Variants in TRIM65 observed in about 807,000 individuals in gnomAD.
TRIM65 encodes E3 ubiquitin-protein ligase TRIM65.
A neutral mutation model predicts 36.1 loss-of-function variants in TRIM65; 46 were observed. The observed-to-expected ratio is 1.27, with a 90% CI of 1.01 to 1.63. The LOEUF (loss-of-function observed/expected upper bound fraction) is 1.63, where lower values mean the gene tolerates loss of function less well. Among genes scored for constraint, TRIM65 ranks in the 40% most tolerant of loss-of-function variants. The pLI, the probability that TRIM65 is intolerant of heterozygous loss-of-function variation, is 0.00. For missense variants in TRIM65, 708 were observed against 696.6 expected (o/e 1.02, Z -0.18); for synonymous variants, 346 against 313.6 (o/e 1.10, Z -1.09).
chr17:75,888,919 TA>T (rs1046908214), downstream of TRIM65: 1 of 151,624 alleles, frequency 6.6e-6, no homozygotes, highest in Non-Finnish European at 1.5e-5. Context: ...TTTACAAATA[TA>T]AAAACATTAT....
downstream of TRIM65, among the ~76,000 whole-genome samples, chr17:75,884,835 G>A (rs780981830): frequency 2.6e-5 from 4 of 151,954 alleles, no homozygotes; most frequent in Non-Finnish European, 5.9e-5. Flanking sequence ...GTGGTTTTCA[G>A]GACCACGCTG....
rs925999391 is a variant in TRIM65, at chr17:75,892,557, A to G, written c.511-57T>C. The G allele has an allele frequency of 4.4e-5, 67 of 1,508,842 alleles. No homozygotes were observed. In the African/African-American group the frequency reaches 7.3e-4, roughly 16 times the overall value. The allele number at this position is 1,508,842 out of a possible 1,614,324, so 93.5% of individuals were successfully genotyped here. On this transcript the variant is annotated intron_variant, in intron 2 of 5. Transcript: ENST00000269383. ...CCAGGGCCCTGTGCCATACCAAGGG[A>G]GGCTAGGGCCAGGGCTGCCTGCTGG...
At chr17:75,896,499 C>G in intron 1 of TRIM65, 25 bp downstream of exon 1, 2 of 1,313,778 alleles carry the variant, frequency 1.5e-6, no homozygotes, top group Non-Finnish European at 1.9e-6. Flanking sequence ...GTCCGGACCC[C>G]TCCCGCTCCC....
At position 75,891,827 on chromosome 17, in the gene TRIM65, C is replaced by T. The variant is rs2065271380; in HGVS notation, c.971G>A (p.Arg324Lys). The T allele has an allele frequency of 6.2e-7, 1 of 1,612,240 alleles. No individual in the cohort carries two copies. Among genetic ancestry groups the T allele is most frequent in the African/African-American group, 1.3e-5 (1 of 75,020 alleles). The stretch of plus-strand genomic sequence containing the variant: ...GGCCTCCTTACTCTGCCAGAGTTTC[C>T]TCCTCAGTGGACAAACTGTGCTTGG... ...PVPSTVCPLRRKLWQNYRNLT... is the reference protein window; with the variant it reads ...PVPSTVCPLRKKLWQNYRNLT... Residue 324 changes from arginine to lysine, a missense_variant, in exon 5 of 6, where the codon AGG becomes AAG. Coordinates refer to ENST00000269383, the MANE Select transcript of TRIM65 (RefSeq NM_173547.4).
downstream of TRIM65, among the ~76,000 whole-genome samples, chr17:75,886,861 A>G (rs1281744267): frequency 6.6e-6 from 1 of 152,182 alleles, no homozygotes; most frequent in Non-Finnish European, 1.5e-5. Flanking sequence ...TTTTCCCTCG[A>G]TACCAGCGTG....
chr17:75,883,297 A>G (rs1267332408), intron 4 of TRIM65, among the ~76,000 whole-genome samples: 2 of 142,038 alleles, frequency 1.4e-5, no homozygotes, highest in African/African-American at 6.1e-5. Flanking sequence ...TTGTATTTTT[A>G]GTAGAGAGGG....
chr17:75,887,705 A>C (rs1483893214), downstream of TRIM65, among the ~76,000 whole-genome samples: 5 of 151,490 alleles, frequency 3.3e-5, no homozygotes, highest in Non-Finnish European at 5.9e-5. Context: ...GCCTATGTTG[A>C]CTTGGGAGGC....
At position 75,896,640 on chromosome 17, in the gene TRIM65, G is replaced by A; in HGVS notation, c.298C>T (p.Arg100Trp). The change falls in exon 1 of 6, where the codon CGG (arginine) becomes TGG (tryptophan). Residue 100 changes from arginine to tryptophan, a missense_variant. By Grantham distance (101) the Arg-to-Trp change is moderately radical. Transcript: ENST00000269383. ...DPAARCPRHG[R>W]PLELFCRTEG... ...GTCCGGCAGAAGAGCTCCAGCGGCCGCCCGTGGCGGGGGCAGCGCGCGGCA... is the reference window on the plus strand; with the variant it reads ...GTCCGGCAGAAGAGCTCCAGCGGCCACCCGTGGCGGGGGCAGCGCGCGGCA... 3.2e-6 allele frequency: 4 copies of A among 1,242,002 alleles called. No individual in the cohort carries two copies. The highest frequency in any genetic ancestry group is 4.3e-5 in the Admixed American group (1 of 23,444). The allele number at this position is 1,242,002 out of a possible 1,614,324, so 76.9% of individuals were successfully genotyped here. A position where few individuals can be genotyped will look rare whatever the true frequency, so the allele number is the denominator to read the frequency against.
chr17:75,893,705 G>A (rs1465940893), intron 1 of TRIM65, among the ~76,000 whole-genome samples: 2 of 152,012 alleles, frequency 1.3e-5, no homozygotes, highest in South Asian at 2.1e-4. Flanking sequence ...GAGCTCCTCC[G>A]GGCCCCCAGC....
At chr17:75,885,171 C>T (rs573535381), downstream of TRIM65, among the ~76,000 whole-genome samples, 1 of 152,338 alleles carries the variant, frequency 6.6e-6, no homozygotes, top group East Asian at 1.9e-4. Context: ...CGTGATCCAC[C>T]TGCCTCGGCC....
chr17:75,885,461 G>C (rs890919384), downstream of TRIM65, among the ~76,000 whole-genome samples: 1 of 152,122 alleles, frequency 6.6e-6, no homozygotes, highest in African/African-American at 2.4e-5. Context: ...ATTTTTGGTA[G>C]AGAGGTGTGT....
At chr17:75,887,753 G>A (rs1041411447), downstream of TRIM65, among the ~76,000 whole-genome samples, 1 of 152,162 alleles carries the variant, frequency 6.6e-6, no homozygotes, top group Non-Finnish European at 1.5e-5. Flanking sequence ...CGGACATGGC[G>A]ACTCACGCCT....
rs1369182095 is a variant in TRIM65, at chr17:75,896,596, GCA to G, written c.340_341del (p.Cys114GlnfsTer129). The G allele has an allele frequency of 7.8e-7, 1 of 1,281,434 alleles. No homozygotes were observed. Among genetic ancestry groups the G allele is most frequent in the Non-Finnish European group, 9.8e-7 (1 of 1,016,940 alleles). The allele number at this position is 1,281,434 out of a possible 1,614,324, so 79.4% of individuals were successfully genotyped here. A position where few individuals can be genotyped will look rare whatever the true frequency, so the allele number is the denominator to read the frequency against. The stretch of plus-strand genomic sequence containing the variant: ...GACACTCGCGCACGGTGCACACGCT[GCA>G]CACACAGCGGCCCTCGGTCCGGCAG... ...LFCRTEGRCV[C>X]SVCTVRECRL... On this transcript the variant is annotated frameshift_variant, in exon 1 of 6. Transcript: ENST00000269383. LOFTEE classifies it high-confidence loss of function.
At chr17:75,879,926 G>A (rs1376236304), downstream of TRIM65, among the ~76,000 whole-genome samples, 1 of 150,402 alleles carries the variant, frequency 6.6e-6, no homozygotes, top group East Asian at 1.9e-4. Flanking sequence ...GCTAATTTTT[G>A]TATTTTTAGT....
chr17:75,891,439 G>C, intron 5 of TRIM65, 92 bp from the exon 6 acceptor site: 1 of 1,365,382 alleles, frequency 7.3e-7, no homozygotes, highest in Non-Finnish European at 1.0e-6. Flanking sequence ...CAGGCACGCT[G>C]AGCACCGGCC....
chr17:75,880,111 G>A (rs2065160272), downstream of TRIM65, among the ~76,000 whole-genome samples: 2 of 150,702 alleles, frequency 1.3e-5, no homozygotes, highest in East Asian at 1.9e-4. Context: ...CCACTCTGGT[G>A]TATTCTCTCC....
At chr17:75,892,947 A>ATGGTT in intron 1 of TRIM65, 97 bp from the exon 2 acceptor site, 2 of 1,107,012 alleles carry the variant, frequency 1.8e-6, no homozygotes, top group Non-Finnish European at 2.6e-6. Context: ...GACACCAGGC[A>ATGGTT]GCCCCTCCCC....
At chr17:75,893,447 AC>A (rs796877859) in intron 1 of TRIM65, among the ~76,000 whole-genome samples, 100 of 151,940 alleles carry the variant, frequency 6.6e-4, no homozygotes, top group African/African-American at 2.3e-3. Flanking sequence ...GGAGGAAGGG[AC>A]CCCTATTCGG....
chr17:75,893,593 T>C (rs1292076109), intron 1 of TRIM65, among the ~76,000 whole-genome samples: 2 of 152,080 alleles, frequency 1.3e-5, no homozygotes, highest in Non-Finnish European at 2.9e-5. Context: ...CCTCCCGCAA[T>C]GCACTGAGAT....
Sources: allele counts gnomAD v4.1 joint callset (sites outside exome capture counted in the v4.1 genomes callset), GRCh38; gene constraint gnomAD v4.1.1; transcripts MANE v1.5; gene names NCBI Gene and HGNC (gene_info 2026-07-23, HGNC 2026-07-21).